STAG1: variants seen among roughly 807,000 people sequenced by gnomAD.
STAG1 encodes the protein STAG1 cohesin complex component.
In STAG1, 26 loss-of-function variants were observed where a neutral mutation model predicts 170.9. The ratio of observed to expected loss-of-function variants is 0.15; its 90% CI spans 0.11 to 0.21. The LOEUF (loss-of-function observed/expected upper bound fraction) is 0.21, where lower values mean the gene tolerates loss of function less well. Among genes scored for constraint, STAG1 ranks in the 10% least tolerant of loss-of-function variants. The pLI is 1.00. For missense variants in STAG1, 964 were observed against 1,509.5 expected, an observed-to-expected ratio of 0.64 and a Z score of 5.99; for synonymous variants, 514 against 497.7, an observed-to-expected ratio of 1.03 and a Z score of -0.44.
intron 22 of STAG1, among the ~76,000 whole-genome samples, chr3:136,382,934 T>C (rs1938057931): frequency 6.6e-6 from 1 of 152,238 alleles, no homozygotes; most frequent in African/African-American, 2.4e-5. Context: ...TAATCTCTTA[T>C]AGTAAATCCT....
rs186646915 is a variant in STAG1, at chr3:136,718,408, A to G, written c.-84+33787T>C. On this transcript the variant is annotated intron_variant, in intron 1 of 33. Transcript: ENST00000383202. ...AATAATACATTTTTACACTGTTCTAAGGAGTGTCTTTAAGTGAAATTTTCA... is the reference window on the plus strand; with the variant it reads ...AATAATACATTTTTACACTGTTCTAGGGAGTGTCTTTAAGTGAAATTTTCA... Among the ~76,000 whole-genome samples the G allele has an allele frequency of 2.6e-4, 39 of 152,300 alleles. No homozygotes were observed. The East Asian group carries it at 6.6e-3, about 26-fold the overall frequency.
intron 4 of STAG1, chr3:136,591,337 GGGAAAGAA>G (rs1028873537): frequency 6.5e-6 from 1 of 153,434 alleles, no homozygotes; most frequent in African/African-American, 2.5e-5. Context: ...GAAGTAAGGA[GGGAAAGAA>G]GGAAGGAAGG....
chr3:136,524,561 T>A (rs1246046737), intron 6 of STAG1, among the ~76,000 whole-genome samples: 1 of 152,228 alleles, frequency 6.6e-6, no homozygotes, highest in African/African-American at 2.4e-5. Flanking sequence ...TTTGACTTCC[T>A]CTTCTCCTAA....
At chr3:136,414,303 G>A (rs1222099392) in intron 21 of STAG1, among the ~76,000 whole-genome samples, 1 of 152,200 alleles carries the variant, frequency 6.6e-6, no homozygotes, top group African/African-American at 2.4e-5. Flanking sequence ...CCTTGTCACT[G>A]CTTTATCAAC....
At chr3:136,719,335 T>C (rs960969509) in intron 1 of STAG1, among the ~76,000 whole-genome samples, 6 of 152,054 alleles carry the variant, frequency 3.9e-5, no homozygotes, top group Non-Finnish European at 7.4e-5. Flanking sequence ...AATAGATTAG[T>C]AGTACCCTAA....
chr3:136,525,549 C>T (rs1354454328), intron 6 of STAG1, among the ~76,000 whole-genome samples: 2 of 152,092 alleles, frequency 1.3e-5, no homozygotes, highest in Admixed American at 6.5e-5. Context: ...AAAACCAGCT[C>T]CTAGATTCAT....
chr3:136,750,481 G>A (rs1490166169), intron 1 of STAG1, among the ~76,000 whole-genome samples: 2 of 152,190 alleles, frequency 1.3e-5, no homozygotes, highest in African/African-American at 4.8e-5. Context: ...CATTTTATTA[G>A]TCTCTTCAAA....
chr3:136,351,557 A>C (rs1199464108), intron 28 of STAG1, among the ~76,000 whole-genome samples: 1 of 152,226 alleles, frequency 6.6e-6, no homozygotes, highest in Non-Finnish European at 1.5e-5. Flanking sequence ...ATACGGATCT[A>C]TCAACACAGG....
At chr3:136,418,613 G>T (rs936807728) in intron 20 of STAG1, among the ~76,000 whole-genome samples, 1 of 151,158 alleles carries the variant, frequency 6.6e-6, no homozygotes. Flanking sequence ...TTCCATATAT[G>T]GATAAAATCC....
chr3:136,377,121 C>T (rs189221145), intron 23 of STAG1, among the ~76,000 whole-genome samples: 21 of 148,100 alleles, frequency 1.4e-4, no homozygotes, highest in South Asian at 4.4e-4. Flanking sequence ...ACATTTCGGC[C>T]GGGCACGGTG....
intron 1 of STAG1, among the ~76,000 whole-genome samples, chr3:136,660,710 T>A (rs1006773459): frequency 1.3e-5 from 2 of 152,132 alleles, no homozygotes; most frequent in Non-Finnish European, 2.9e-5. Flanking sequence ...GACTCACACC[T>A]GTAATCCCAG....
At chr3:136,517,680 T>C (rs554399776) in intron 7 of STAG1, among the ~76,000 whole-genome samples, 2 of 151,900 alleles carry the variant, frequency 1.3e-5, no homozygotes, top group African/African-American at 4.8e-5. Flanking sequence ...ATAAAAAAGT[T>C]CCCAGTCTCA....
chr3:136,507,495 A>G (rs975853429), intron 7 of STAG1, among the ~76,000 whole-genome samples: 1 of 152,054 alleles, frequency 6.6e-6, no homozygotes, highest in Non-Finnish European at 1.5e-5. Flanking sequence ...CCTCCTGAGT[A>G]GCTGGGACTA....
intron 1 of STAG1, among the ~76,000 whole-genome samples, chr3:136,638,078 T>A (rs1488240622): frequency 5.3e-5 from 8 of 151,826 alleles, no homozygotes; most frequent in South Asian, 2.1e-4. Context: ...GCTAATTTTT[T>A]AAAAACTTTT....
intron 22 of STAG1, among the ~76,000 whole-genome samples, chr3:136,395,659 A>G (rs1378664685): frequency 1.3e-5 from 2 of 152,164 alleles, no homozygotes; most frequent in Non-Finnish European, 2.9e-5. Flanking sequence ...TTATTAATAG[A>G]TTTACAAGGA....
chr3:136,625,452 A>G lies in STAG1; in HGVS notation c.30-2204T>C, dbSNP rs144929539. 1.3e-3 allele frequency among the ~76,000 whole-genome samples: 199 copies of G among 152,292 alleles called. 1 individual carries two copies. Among genetic ancestry groups the G allele is most frequent in the African/African-American group, 4.4e-3 (184 of 41,568 alleles). Reference sequence around the variant, plus strand: ...CATACTTACTTGAATGCCACCTCAAATTCACCAAATGCCACATCTAAAATT... The same window carrying G: ...CATACTTACTTGAATGCCACCTCAAGTTCACCAAATGCCACATCTAAAATT... On this transcript the variant is annotated intron_variant, in intron 2 of 33. Coordinates refer to ENST00000383202, the MANE Select transcript of STAG1 (RefSeq NM_005862.3).
intron 7 of STAG1, among the ~76,000 whole-genome samples, chr3:136,515,613 G>A (rs1406810817): frequency 1.3e-5 from 2 of 152,084 alleles, no homozygotes; most frequent in African/African-American, 4.8e-5. Flanking sequence ...TGCTTATAAA[G>A]TAATTTTTAA....
intron 15 of STAG1, among the ~76,000 whole-genome samples, chr3:136,440,856 G>A (rs2088609126): frequency 6.6e-6 from 1 of 151,956 alleles, no homozygotes; most frequent in South Asian, 2.1e-4. Context: ...AGGCATGGTG[G>A]TGCACGCCTG....
chr3:136,714,610 C>A (rs1389179446), intron 1 of STAG1, among the ~76,000 whole-genome samples: 5 of 151,932 alleles, frequency 3.3e-5, no homozygotes, highest in Non-Finnish European at 5.9e-5. Context: ...CGCCTGTAGT[C>A]CCAGCTACTT....
Sources: gnomAD v4.1 joint callset for allele counts (sites outside exome capture counted in the v4.1 genomes callset) on GRCh38, gnomAD v4.1.1 for gene constraint, MANE v1.5 for transcripts, NCBI Gene and HGNC (gene_info 2026-07-23, HGNC 2026-07-21) for gene names.